PARVB: variants seen among roughly 807,000 people sequenced by gnomAD.
PARVB encodes beta-parvin.
PARVB carries 46 observed loss-of-function variants against 47.0 expected under a neutral mutation model. That is an observed-to-expected ratio of 0.98 (90% CI 0.77 to 1.25). The LOEUF (loss-of-function observed/expected upper bound fraction) is 1.25, where lower values mean the gene tolerates loss of function less well. Among genes scored for constraint, PARVB ranks in the 50% most tolerant of loss-of-function variants. The probability of loss-of-function intolerance (pLI) is 0.00; values close to 1 mark genes in which losing one functional copy is unlikely to be tolerated. For missense variants in PARVB, 473 were observed against 471.6 expected (o/e 1.00, Z -0.03); for synonymous variants, 196 against 196.3 (o/e 1.00, Z 0.01).
intron 1 of PARVB, among the ~76,000 whole-genome samples, chr22:44,082,658 C>T (rs567905040): frequency 6.6e-6 from 1 of 152,276 alleles, no homozygotes; most frequent in African/African-American, 2.4e-5. Flanking sequence ...CCCTCCATGC[C>T]CCGGTTTCTC....
In PARVB at chr22:44,122,221, G is replaced by A. The variant is rs563729955; in HGVS notation, c.376+3081G>A. Among the ~76,000 whole-genome samples the A allele has an allele frequency of 4.6e-5, 7 of 152,270 alleles. No homozygotes were observed. The East Asian group carries it at 9.6e-4, about 21-fold the overall frequency. On this transcript the variant is annotated intron_variant, in intron 4 of 12. Transcript: ENST00000338758. ...CCTTGAAAGGTCTTAGCCAGGTGTGGTGGCTCAGCCTATCATCCCAGCACC... is the reference window on the plus strand; with the variant it reads ...CCTTGAAAGGTCTTAGCCAGGTGTGATGGCTCAGCCTATCATCCCAGCACC...
At chr22:44,131,684 T>A in intron 5 of PARVB, 57 bp downstream of exon 5, 2 of 1,522,602 alleles carry the variant, frequency 1.3e-6, no homozygotes, top group South Asian at 1.3e-5. Flanking sequence ...CCTCTCGACA[T>A]TCGTCATCCA....
intron 7 of PARVB, chr22:44,139,583 T>A (rs1448263791): frequency 6.3e-6 from 1 of 157,938 alleles, no homozygotes; most frequent in Admixed American, 6.1e-5. Flanking sequence ...CCCAAGTAGC[T>A]GGGATTACAG....
At chr22:44,034,920 A>G (rs2050893450) in intron 1 of PARVB, among the ~76,000 whole-genome samples, 1 of 151,972 alleles carries the variant, frequency 6.6e-6, no homozygotes. Flanking sequence ...CATGTTGGCC[A>G]GGCTGGTCTC....
At chr22:44,102,594 C>T (rs1025374001) in intron 3 of PARVB, among the ~76,000 whole-genome samples, 9 of 151,950 alleles carry the variant, frequency 5.9e-5, no homozygotes, top group Admixed American at 2.0e-4. Context: ...TCCCAGCGCC[C>T]TGGGAGGCCA....
intron 1 of PARVB, among the ~76,000 whole-genome samples, chr22:44,045,288 A>G (rs769938770): frequency 6.6e-6 from 1 of 152,202 alleles, no homozygotes; most frequent in African/African-American, 2.4e-5. Context: ...TACATAAAAT[A>G]TGCTAGTCAC....
chr22:44,168,628 A>G lies in PARVB; in HGVS notation c.1045A>G (p.Thr349Ala), dbSNP rs2054227375. 6.2e-7 allele frequency: 1 copy of G among 1,613,108 alleles called. No individual in the cohort carries two copies. The highest frequency in any genetic ancestry group is 8.5e-7 in the Non-Finnish European group (1 of 1,179,314). The change falls in exon 13 of 13, where the codon ACC becomes GCC. Residue 349 changes from threonine (T) to alanine (A), a missense_variant. Transcript: ENST00000338758. ...CGTGGTTAACTTGGACCTCAAATCC[A>G]CCCTGAGGGTTCTTTACAACCTGTT... Reference protein sequence around the residue: ...EDVVNLDLKSTLRVLYNLFTK... With the variant: ...EDVVNLDLKSALRVLYNLFTK...
chr22:44,030,970 C>T (rs2050816560), intron 1 of PARVB, among the ~76,000 whole-genome samples: 1 of 152,078 alleles, frequency 6.6e-6, no homozygotes. Flanking sequence ...GGTGAGGGAC[C>T]AGGGCCATAG....
upstream of PARVB, among the ~76,000 whole-genome samples, chr22:44,020,724 G>A (rs937225486): frequency 1.3e-5 from 2 of 152,034 alleles, no homozygotes; most frequent in Admixed American, 6.6e-5. Context: ...CTCCCCAGGT[G>A]CACCACCCTC....
rs549102232 is a variant in PARVB at position 44,125,373 on chromosome 22, T to G, written c.377-6114T>G. Among the ~76,000 whole-genome samples, 59 of 152,086 alleles carry G rather than the reference T, an allele frequency of 3.9e-4. No homozygotes were observed. Among genetic ancestry groups the G allele is most frequent in the African/African-American group, 1.4e-3 (59 of 41,472 alleles). On this transcript the variant is annotated intron_variant, in intron 4 of 12. Coordinates refer to ENST00000338758, the MANE Select transcript of PARVB (RefSeq NM_013327.5). This position sits in a 1 kb window ranked among gnomAD's most constrained non-coding sequence, Gnocchi z 4.1. ...CTAGCAGAGTGAAGAAAGAGAAGTA[T>G]TATGGGGTGGAGTGGTTCAACCTGA...
chr22:44,143,725 A>C (rs1410920615), intron 8 of PARVB: 1 of 152,336 alleles, frequency 6.6e-6, no homozygotes, highest in Non-Finnish European at 1.5e-5. Flanking sequence ...CTCTCCACGG[A>C]AACAAGTCTC....
At chr22:44,145,429 G>A (rs997437744) in intron 8 of PARVB, 2 of 152,036 alleles carry the variant, frequency 1.3e-5, no homozygotes, top group Non-Finnish European at 1.5e-5. Context: ...AGACAGGTGG[G>A]AGGAGCTTCC....
At chr22:44,167,588 C>G (rs1256313345) in intron 12 of PARVB, among the ~76,000 whole-genome samples, 1 of 152,122 alleles carries the variant, frequency 6.6e-6, no homozygotes, top group East Asian at 1.9e-4. Flanking sequence ...TTGGCCACCT[C>G]CAACTCCATG....
At chr22:44,139,094 C>T (rs186607738) in intron 7 of PARVB, 3 of 152,432 alleles carry the variant, frequency 2.0e-5, no homozygotes, top group African/African-American at 7.2e-5. Flanking sequence ...TGCCTGAGAT[C>T]AGGGCCTGGC....
At chr22:44,137,285 C>T (rs1028525930) in intron 7 of PARVB, among the ~76,000 whole-genome samples, 1 of 152,196 alleles carries the variant, frequency 6.6e-6, no homozygotes, top group African/African-American at 2.4e-5. Flanking sequence ...CAGTGGAGTG[C>T]AGGCTGATGC....
chr22:44,058,745 G>A (rs1333479695), intron 1 of PARVB, among the ~76,000 whole-genome samples: 1 of 151,752 alleles, frequency 6.6e-6, no homozygotes, highest in African/African-American at 2.4e-5. Flanking sequence ...AGTAAAAATG[G>A]GGTTTCACTC....
intron 2 of PARVB, among the ~76,000 whole-genome samples, chr22:44,005,410 G>T (rs1355607187): frequency 6.8e-6 from 1 of 146,098 alleles, no homozygotes; most frequent in African/African-American, 2.5e-5. Flanking sequence ...ACCACGCCTG[G>T]CCGTTTTTTT....
intron 8 of PARVB, chr22:44,140,817 G>T (rs1601668964): frequency 3.5e-6 from 1 of 284,604 alleles, no homozygotes; most frequent in East Asian, 8.0e-5. Flanking sequence ...TCTTCCCAAA[G>T]AGAGAGAGGT....
In PARVB at chr22:44,000,084, C is replaced by A. The variant is rs144618649; in HGVS notation, c.211+411C>A. On this transcript the variant is annotated intron_variant, in intron 2 of 13. Coordinates refer to the PARVB transcript ENST00000406477. Reference sequence around the variant, plus strand: ...GCTCTTGCCCTGTTGGGGCTGTTTACCAAATCCACTCACTGCTTTCCTCAG... The same window carrying A: ...GCTCTTGCCCTGTTGGGGCTGTTTAACAAATCCACTCACTGCTTTCCTCAG... 4.4e-4 allele frequency among the ~76,000 whole-genome samples: 67 copies of A among 152,254 alleles called. No individual in the cohort carries two copies. In the East Asian group the frequency reaches 0.012, roughly 27 times the overall value.
Sources: allele counts gnomAD v4.1 joint callset (sites outside exome capture counted in the v4.1 genomes callset), GRCh38; gene constraint gnomAD v4.1.1; non-coding constraint Gnocchi (gnomAD v3.1); transcripts MANE v1.5; gene names NCBI Gene and HGNC (gene_info 2026-07-23, HGNC 2026-07-21).